The following BAZ1A variants were observed in gnomAD, a reference collection of about 807,000 sequenced individuals.
BAZ1A encodes bromodomain adjacent to zinc finger domain 1A.
In BAZ1A, 50 loss-of-function variants were observed where a neutral mutation model predicts 185.2. The observed-to-expected ratio is 0.27, with a 90% CI of 0.22 to 0.34. BAZ1A has a LOEUF of 0.34. Ranked by LOEUF, BAZ1A falls within the 10% of genes least tolerant of loss-of-function variation. BAZ1A has a pLI of 1.00. For missense variants in BAZ1A, 1,356 were observed against 1,839.9 expected (o/e 0.74, Z 4.81); for synonymous variants, 571 against 615.6 (o/e 0.93, Z 1.07).
intron 21 of BAZ1A, among the ~76,000 whole-genome samples, chr14:34,770,425 T>C (rs1249503750): frequency 6.6e-6 from 1 of 152,230 alleles, no homozygotes; most frequent in African/African-American, 2.4e-5. Context: ...AGTGCTGGGA[T>C]TACAGGCGTG....
At chr14:34,843,611 G>A (rs2042452428) in intron 3 of BAZ1A, among the ~76,000 whole-genome samples, 2 of 152,026 alleles carry the variant, frequency 1.3e-5, no homozygotes, top group Admixed American at 1.3e-4. Context: ...TACTGATTTA[G>A]GCCACTAACT....
In BAZ1A at chr14:34,840,542, T is replaced by C. The variant is rs755527109; in HGVS notation, c.393-14386A>G. Among the ~76,000 whole-genome samples, 224 of 152,134 alleles carry C rather than the reference T, an allele frequency of 1.5e-3. 2 individuals are homozygous for C. The highest frequency in any genetic ancestry group is 2.2e-3 in the Non-Finnish European group (151 of 68,020). On this transcript the variant is annotated intron_variant, in intron 3 of 26. Coordinates refer to ENST00000360310, the MANE Select transcript of BAZ1A (RefSeq NM_013448.3). ...AGGAGGCCGAGGCAGGTGGATCACC[T>C]GAGGTCAGAAATTCGAGACTAGCCT...
chr14:34,853,171 C>T (rs1364502895), intron 3 of BAZ1A, among the ~76,000 whole-genome samples: 1 of 152,178 alleles, frequency 6.6e-6, no homozygotes, highest in Non-Finnish European at 1.5e-5. Flanking sequence ...TAAGAACAGA[C>T]TCAACTTCCA....
rs1388160548 is a variant in BAZ1A at position 34,761,954 on chromosome 14, A to G, written c.4046T>C (p.Val1349Ala). 1.3e-5 allele frequency: 21 copies of G among 1,614,212 alleles called. No homozygotes were observed. The highest frequency in any genetic ancestry group is 1.8e-5 in the Non-Finnish European group (21 of 1,180,036). Residue 1349 changes from valine to alanine, a missense_variant, in exon 24 of 27, where the codon GTG (valine) becomes GCG (alanine). This residue lies in a region of BAZ1A where 309 missense variants were observed against 355.3 expected (regional missense o/e 0.87). Transcript: ENST00000360310. Reference sequence around the variant, plus strand: ...TTTTCTACGAGGACTAAGCAATTCCACAAATACATCTGCTTGCAGTGGGCC... The same window carrying G: ...TTTTCTACGAGGACTAAGCAATTCCGCAAATACATCTGCTTGCAGTGGGCC... ...SHGPLQADVF[V>A]ELLSPRRKRR... is the part of the protein sequence containing the mutation.
chr14:34,777,744 C>T (rs1013195063), intron 17 of BAZ1A, among the ~76,000 whole-genome samples: 1 of 147,276 alleles, frequency 6.8e-6, no homozygotes, highest in African/African-American at 2.5e-5. Flanking sequence ...GTAATCCCAA[C>T]ACTTTGGGAG....
At chr14:34,791,415 T>A (rs185350571) in intron 12 of BAZ1A, among the ~76,000 whole-genome samples, 1 of 152,326 alleles carries the variant, frequency 6.6e-6, no homozygotes, top group East Asian at 1.9e-4. Flanking sequence ...GACTAAATTA[T>A]CTGAGGTGAC....
chr14:34,791,957 C>T (rs749430866), intron 12 of BAZ1A, among the ~76,000 whole-genome samples: 17 of 152,096 alleles, frequency 1.1e-4, no homozygotes, highest in Non-Finnish European at 2.2e-4. Flanking sequence ...GATATTTAAG[C>T]GTGCAGAACT....
chr14:34,800,782 GTTTTAAAA>G (rs1881484259), intron 8 of BAZ1A, among the ~76,000 whole-genome samples: 1 of 152,176 alleles, frequency 6.6e-6, no homozygotes, highest in Non-Finnish European at 1.5e-5. Context: ...GGGAAGCAAT[GTTTTAAAA>G]GGCTGTGTGA....
chr14:34,783,721 A>G, intron 15 of BAZ1A, 41 bp downstream of exon 15: 1 of 1,584,080 alleles, frequency 6.3e-7, no homozygotes, highest in Non-Finnish European at 8.6e-7. Context: ...GCAAAGAAAT[A>G]AACAGCTTTC....
chr14:34,836,378 C>CAAAA (rs773500177), intron 3 of BAZ1A, among the ~76,000 whole-genome samples: 3 of 13,132 alleles, frequency 2.3e-4, no homozygotes, highest in East Asian at 7.8e-3. Flanking sequence ...GACTCCGTCT[C>CAAAA]AAAAAAAAAA....
chr14:34,774,380 A>G lies in BAZ1A; in HGVS notation c.2944T>C (p.Phe982Leu). ...ATTCTATCTTCAATATCTAAAAGAAAATCTCTCAGCCTTAGTTCAAGTTGC... is the reference window on the plus strand; with the variant it reads ...ATTCTATCTTCAATATCTAAAAGAAGATCTCTCAGCCTTAGTTCAAGTTGC... ...EKQLELRLRD[F>L]LLDIEDRIYQ... Residue 982 changes from phenylalanine (F) to leucine (L), a missense_variant, in exon 19 of 27, where the codon TTT becomes CTT. By Grantham distance (22) the Phe-to-Leu change is conservative (BLOSUM62 0). Around this residue, in one of 7 missense-constraint regions of BAZ1A, gnomAD observed 434 missense variants for 561.7 expected, o/e 0.77. Coordinates refer to ENST00000360310, the MANE Select transcript of BAZ1A (RefSeq NM_013448.3). The G allele has an allele frequency of 6.2e-7, 1 of 1,613,660 alleles. No homozygotes were observed. Among genetic ancestry groups the G allele is most frequent in the Non-Finnish European group, 8.5e-7 (1 of 1,179,854 alleles).
rs1430864600 is a variant in BAZ1A, at chr14:34,795,733, C to T, written c.1161G>A (p.Lys387=). The T allele has an allele frequency of 6.2e-7, 1 of 1,613,080 alleles. No individual in the cohort carries two copies. Among genetic ancestry groups the T allele is most frequent in the Non-Finnish European group, 8.5e-7 (1 of 1,179,816 alleles). ...TCCACTGTTTTAAGTATTCCACATA[C>T]TTTCGCTTTTCTTCACGTAACTTCT... ...EREKLREEKR[K]YVEYLKQWSK... is the part of the protein sequence containing the mutation. The change falls in exon 10 of 27, where the codon AAG becomes AAA. Residue 387 remains lysine (K), a synonymous_variant. Transcript: ENST00000360310.
At chr14:34,771,986 G>T (rs947626662) in intron 20 of BAZ1A, among the ~76,000 whole-genome samples, 13 of 151,640 alleles carry the variant, frequency 8.6e-5, no homozygotes, top group Admixed American at 2.0e-4. Flanking sequence ...AGACAGTCTC[G>T]CACTGTTGCC....
chr14:34,846,858 C>T (rs2042520551), intron 3 of BAZ1A, among the ~76,000 whole-genome samples: 1 of 152,048 alleles, frequency 6.6e-6, no homozygotes, highest in African/African-American at 2.4e-5. Flanking sequence ...GTGTAACAAA[C>T]CTGCACATCC....
chr14:34,815,632 A>T (rs61988011), intron 4 of BAZ1A, among the ~76,000 whole-genome samples: 32,661 of 152,112 alleles, frequency 0.21, 3,761 homozygotes, highest in Non-Finnish European at 0.26. Flanking sequence ...ATATATGTAA[A>T]TTTTAATTCT....
chr14:34,874,477 C>T lies in BAZ1A; in HGVS notation c.113+15G>A. 7 of 1,608,412 alleles carry T rather than the reference C, an allele frequency of 4.4e-6. No homozygotes were observed. The highest frequency in any genetic ancestry group is 6.0e-6 in the Non-Finnish European group (7 of 1,175,976). ...CCCACACCCCCCGCGGCCCCGCACA[C>T]GGCCCGGCTCTTACTCGTAGTGGCG... On this transcript the variant is annotated intron_variant, in intron 2 of 26. Coordinates refer to ENST00000360310, the MANE Select transcript of BAZ1A (RefSeq NM_013448.3). The surrounding 1 kb of genome is among the most constrained non-coding windows in gnomAD (Gnocchi z 4.7).
At chr14:34,826,709 A>C (rs1490160789) in intron 3 of BAZ1A, among the ~76,000 whole-genome samples, 1 of 152,188 alleles carries the variant, frequency 6.6e-6, no homozygotes, top group Non-Finnish European at 1.5e-5. Flanking sequence ...TGTTGTAGTC[A>C]GAGAATATAC....
At chr14:34,790,728 C>T (rs1278794392) in intron 12 of BAZ1A, among the ~76,000 whole-genome samples, 1 of 152,154 alleles carries the variant, frequency 6.6e-6, no homozygotes, top group Non-Finnish European at 1.5e-5. Context: ...AGCATTAAAA[C>T]TTTTATTTAG....
chr14:34,799,377 G>C (rs960766015), intron 9 of BAZ1A, among the ~76,000 whole-genome samples: 1 of 152,050 alleles, frequency 6.6e-6, no homozygotes, highest in Non-Finnish European at 1.5e-5. Context: ...AGAACTTAAA[G>C]TATAATTAAA....
Sources: allele counts gnomAD v4.1 joint callset (sites outside exome capture counted in the v4.1 genomes callset), GRCh38; gene constraint gnomAD v4.1.1; regional missense constraint gnomAD v4.1.1; non-coding constraint Gnocchi (gnomAD v3.1); transcripts MANE v1.5; gene names NCBI Gene and HGNC (gene_info 2026-07-23, HGNC 2026-07-21).